PAK3: variants seen among roughly 807,000 people sequenced by gnomAD.
PAK3 encodes p21 (RAC1) activated kinase 3.
Under a neutral mutation model 41.0 loss-of-function variants are expected in PAK3, and 4 were observed. The ratio of observed to expected loss-of-function variants is 0.10; its 90% CI spans 0.05 to 0.22. The LOEUF is 0.22. PAK3 is among the 10% of genes least tolerant of loss of function. PAK3 has a pLI of 1.00. For missense variants in PAK3, 205 were observed against 409.9 expected (o/e 0.50, Z 4.32); for synonymous variants, 146 against 139.6 (o/e 1.05, Z -0.32).
intron 1 of PAK3, among the ~76,000 whole-genome samples, chrX:110,976,374 G>A (rs752940443): frequency 8.0e-5 from 9 of 112,206 alleles, no homozygotes; most frequent in Non-Finnish European, 3.8e-5. Flanking sequence ...CATCATCACT[G>A]GTCATCAGAG....
chrX:111,154,024 G>T (rs2094068188), intron 8 of PAK3, among the ~76,000 whole-genome samples: 1 of 112,005 alleles, frequency 8.9e-6, no homozygotes, highest in South Asian at 3.8e-4. Flanking sequence ...ATTATGCTAA[G>T]TGAAATAAGC....
At chrX:111,093,024 G>A (rs2092941788), upstream of PAK3, among the ~76,000 whole-genome samples, 1 of 111,781 alleles carries the variant, frequency 8.9e-6, no homozygotes, top group Admixed American at 9.5e-5. Context: ...GACTGAAACA[G>A]TTTGAAGATA....
At chrX:111,192,953 G>A (rs1330164555) in intron 13 of PAK3, among the ~76,000 whole-genome samples, 1 of 112,064 alleles carries the variant, frequency 8.9e-6, no homozygotes, top group Non-Finnish European at 1.9e-5. Context: ...ATTTCTGGGA[G>A]TCTAAGTGAA....
intron 1 of PAK3, among the ~76,000 whole-genome samples, chrX:111,018,680 C>A (rs752097893): frequency 9.0e-6 from 1 of 111,696 alleles, no homozygotes; most frequent in South Asian, 3.8e-4. Context: ...AAGTGATCTA[C>A]AGATTCAGTG....
intron 11 of PAK3, among the ~76,000 whole-genome samples, chrX:111,181,833 A>G: frequency 9.1e-6 from 1 of 110,144 alleles, no homozygotes; most frequent in African/African-American, 3.3e-5. Context: ...CCACCCCAAA[A>G]GTATTTGCTT....
chrX:110,971,383 T>A, intron 1 of PAK3, among the ~76,000 whole-genome samples: 1 of 112,431 alleles, frequency 8.9e-6, no homozygotes, highest in Non-Finnish European at 1.9e-5. Context: ...GCATAATGTT[T>A]TCAAGGTTCA....
chrX:111,068,560 C>G (rs2092718320), intron 1 of PAK3, among the ~76,000 whole-genome samples: 2 of 112,875 alleles, frequency 1.8e-5, no homozygotes, highest in African/African-American at 6.4e-5. Context: ...CCTCGGCCTC[C>G]CAAAGTGCTG....
intron 1 of PAK3, among the ~76,000 whole-genome samples, chrX:110,965,752 C>CTGACA (rs1431748026): frequency 8.9e-6 from 1 of 112,291 alleles, no homozygotes; most frequent in African/African-American, 3.2e-5. Flanking sequence ...AAAGCTAACA[C>CTGACA]TGACAGAGCA....
intron 1 of PAK3, among the ~76,000 whole-genome samples, chrX:110,946,112 G>A (rs753381900): frequency 6.8e-4 from 76 of 111,540 alleles, no homozygotes; most frequent in South Asian, 2.7e-3. Context: ...AGGTATGCTT[G>A]ATTGGGGATG....
chrX:111,217,530 G>A (rs1181320122), intron 17 of PAK3: 4 of 970,088 alleles, frequency 4.1e-6, no homozygotes, highest in Admixed American at 6.0e-5. Context: ...ACCTGTTCCT[G>A]TTGCTTCTGA....
intron 1 of PAK3, among the ~76,000 whole-genome samples, chrX:111,015,956 T>A: frequency 8.9e-6 from 1 of 112,397 alleles, no homozygotes; most frequent in Non-Finnish European, 1.9e-5. Context: ...CAGAAGTTTT[T>A]AAGTTCAATG....
intron 16 of PAK3, among the ~76,000 whole-genome samples, chrX:111,205,664 A>G (rs1238748407): frequency 1.8e-5 from 2 of 111,582 alleles, no homozygotes; most frequent in African/African-American, 6.5e-5. Context: ...ACACTGCAGT[A>G]ATAAAGCTAT....
chrX:111,006,849 C>CTTTCTTTTTTT (rs1556434441), intron 1 of PAK3, among the ~76,000 whole-genome samples: 17 of 42,719 alleles, frequency 4.0e-4, no homozygotes, highest in Non-Finnish European at 5.7e-4. Flanking sequence ...TTCTTTCTTT[C>CTTTCTTTTTTT]TTTTTTTTTT....
intron 1 of PAK3, among the ~76,000 whole-genome samples, chrX:110,955,006 G>C (rs923861417): frequency 1.8e-5 from 2 of 111,223 alleles, no homozygotes; most frequent in South Asian, 3.9e-4. Flanking sequence ...CAGTGTCATT[G>C]GCTGGGATTA....
intron 1 of PAK3, among the ~76,000 whole-genome samples, chrX:110,981,767 C>A (rs1207311593): frequency 9.0e-6 from 1 of 111,551 alleles, no homozygotes; most frequent in Non-Finnish European, 1.9e-5. Context: ...GCATACTGTG[C>A]CTGTACTTCT....
At chrX:111,175,756 G>C in intron 11 of PAK3, among the ~76,000 whole-genome samples, 1 of 111,668 alleles carries the variant, frequency 9.0e-6, no homozygotes, top group African/African-American at 3.3e-5. Flanking sequence ...CAAAGATCAG[G>C]CCACCAAGCA....
intron 11 of PAK3, among the ~76,000 whole-genome samples, chrX:111,178,959 T>A (rs1029076962): frequency 9.1e-5 from 9 of 98,788 alleles, no homozygotes; most frequent in African/African-American, 2.0e-4. Context: ...ATAAACTGTT[T>A]TATATATATA....
chrX:111,107,988 T>C (rs1235743477), intron 4 of PAK3, among the ~76,000 whole-genome samples: 1 of 112,030 alleles, frequency 8.9e-6, no homozygotes, highest in African/African-American at 3.2e-5. Flanking sequence ...GGCCCAGAGA[T>C]TCAAATGGGT....
intron 10 of PAK3, among the ~76,000 whole-genome samples, chrX:111,171,611 G>C (rs1429603122): frequency 9.0e-6 from 1 of 111,553 alleles, no homozygotes; most frequent in Non-Finnish European, 1.9e-5. Context: ...TAAATTAATA[G>C]TTTTCTTATG....
Sources: allele counts gnomAD v4.1 joint callset (sites outside exome capture counted in the v4.1 genomes callset), GRCh38; gene constraint gnomAD v4.1.1; transcripts MANE v1.5; gene names NCBI Gene and HGNC (gene_info 2026-07-23, HGNC 2026-07-21).